The following OLFM3 variants were observed in gnomAD, a reference collection of about 807,000 sequenced individuals.
OLFM3 encodes noelin-3.
In OLFM3, 20 loss-of-function variants were observed where a neutral mutation model predicts 48.6. The observed-to-expected ratio is 0.41, with a 90% CI of 0.29 to 0.60. OLFM3 has a LOEUF of 0.60. Among genes scored for constraint, OLFM3 ranks in the 20% least tolerant of loss-of-function variants. OLFM3 has a pLI of 0.28. For synonymous variants in OLFM3, 222 were observed against 198.1 expected (o/e 1.12, Z -1.01); for missense variants, 437 against 544.3 (o/e 0.80, Z 1.96).
intron 1 of OLFM3, among the ~76,000 whole-genome samples, chr1:101,975,342 T>C (rs1660923197): frequency 6.6e-6 from 1 of 152,202 alleles, no homozygotes; most frequent in Admixed American, 6.5e-5. Flanking sequence ...TTATTATCTG[T>C]ATGCTGATGC....
At chr1:101,855,929 G>A (rs1373486056) in intron 1 of OLFM3, among the ~76,000 whole-genome samples, 1 of 150,948 alleles carries the variant, frequency 6.6e-6, no homozygotes, top group African/African-American at 2.5e-5. Flanking sequence ...AAGTTGTTAT[G>A]AGTTGTTTCA....
Position 101,933,134 on chromosome 1 carries a change from G to A in OLFM3, c.69+63614C>T, listed in dbSNP as rs572893614. 1.0e-4 allele frequency among the ~76,000 whole-genome samples: 15 copies of A among 148,804 alleles called. No homozygotes were observed. In the East Asian group the frequency reaches 1.4e-3, roughly 14 times the overall value. ...GGAGAATGGCATGAACCCGGGAGGC[G>A]GAGCTTGCAGTGAGCTGAGATCACG... On this transcript the variant is annotated intron_variant, in intron 1 of 5. Transcript: ENST00000370103.
intron 1 of OLFM3, among the ~76,000 whole-genome samples, chr1:101,969,071 C>CCT (rs1660702661): frequency 6.6e-6 from 1 of 152,162 alleles, no homozygotes; most frequent in African/African-American, 2.4e-5. Flanking sequence ...GAGTGAACAG[C>CCT]CTTTGCATGG....
rs141000831 is a variant in OLFM3, at chr1:101,962,059, C to T, written c.69+34689G>A. Among the ~76,000 whole-genome samples the T allele has an allele frequency of 6.0e-3, 920 of 152,122 alleles. 6 individuals are homozygous for T. Among genetic ancestry groups the T allele is most frequent in the Non-Finnish European group, 8.3e-3 (562 of 67,998 alleles). ...TTTTTTAAGAACAATTTCCGCTTGC[C>T]GTGTAATAGGTGTAGAGGTGTTTAG... On this transcript the variant is annotated intron_variant, in intron 1 of 5. Transcript: ENST00000370103.
intron 1 of OLFM3, among the ~76,000 whole-genome samples, chr1:101,885,532 C>T (rs1010672415): frequency 3.9e-5 from 6 of 152,046 alleles, no homozygotes; most frequent in Non-Finnish European, 5.9e-5. Flanking sequence ...CCATCTCCTT[C>T]ACCTCTTCTG....
At chr1:101,806,864 C>T (rs569384765) in intron 4 of OLFM3, among the ~76,000 whole-genome samples, 6 of 151,768 alleles carry the variant, frequency 4.0e-5, no homozygotes, top group Admixed American at 6.6e-5. Flanking sequence ...AGATGTAATA[C>T]GTGACAAAAA....
chr1:101,933,574 A>T (rs1166484983), intron 1 of OLFM3, among the ~76,000 whole-genome samples: 2 of 152,182 alleles, frequency 1.3e-5, no homozygotes, highest in African/African-American at 4.8e-5. Flanking sequence ...CCTCGACCTC[A>T]ATAGAGTAGC....
chr1:101,974,509 A>G (rs937213400), intron 1 of OLFM3, among the ~76,000 whole-genome samples: 2 of 152,124 alleles, frequency 1.3e-5, no homozygotes, highest in Non-Finnish European at 2.9e-5. Context: ...AGACATTGTA[A>G]CGGTGGCTCT....
chr1:101,836,117 T>C (rs896771567), intron 2 of OLFM3, among the ~76,000 whole-genome samples: 1 of 152,224 alleles, frequency 6.6e-6, no homozygotes, highest in Non-Finnish European at 1.5e-5. Context: ...ATTTATCTTA[T>C]TATTCCTAAT....
intron 2 of OLFM3, among the ~76,000 whole-genome samples, chr1:101,835,800 C>G (rs1404284589): frequency 6.6e-6 from 1 of 152,076 alleles, no homozygotes; most frequent in African/African-American, 2.4e-5. Flanking sequence ...GAAGGAGAAA[C>G]AGACTAAGCT....
At chr1:101,927,123 C>T (rs1181898638) in intron 1 of OLFM3, among the ~76,000 whole-genome samples, 2 of 152,006 alleles carry the variant, frequency 1.3e-5, no homozygotes, top group African/African-American at 4.8e-5. Context: ...TGACTACTTC[C>T]ATCTTTTATA....
intron 1 of OLFM3, among the ~76,000 whole-genome samples, chr1:101,923,399 A>AT (rs1418740408): frequency 1.3e-5 from 2 of 152,100 alleles, no homozygotes; most frequent in African/African-American, 4.8e-5. Context: ...TTTAACTTAC[A>AT]TTTTTGCACT....
At chr1:101,984,232 C>T (rs923059927) in intron 1 of OLFM3, among the ~76,000 whole-genome samples, 3 of 117,234 alleles carry the variant, frequency 2.6e-5, no homozygotes, top group South Asian at 5.6e-4. Context: ...AAAGGACAAA[C>T]GCAAGACTCT....
chr1:101,845,689 G>A (rs565796482), intron 1 of OLFM3, among the ~76,000 whole-genome samples: 6 of 152,282 alleles, frequency 3.9e-5, no homozygotes, highest in African/African-American at 1.4e-4. Context: ...CATGCAGGTA[G>A]GGAAGAGGAT....
intron 1 of OLFM3, among the ~76,000 whole-genome samples, chr1:101,875,793 C>T (rs1570586027): frequency 1.3e-5 from 2 of 152,122 alleles, no homozygotes; most frequent in African/African-American, 2.4e-5. Context: ...TACCTAACTT[C>T]CAGTAATCTT....
chr1:101,807,491 A>G (rs1375018655), intron 4 of OLFM3, among the ~76,000 whole-genome samples: 2 of 151,726 alleles, frequency 1.3e-5, no homozygotes, highest in East Asian at 3.9e-4. Flanking sequence ...AAGAACACAT[A>G]CCCAAAGCAA....
chr1:101,993,823 A>C (rs1035361972), intron 1 of OLFM3, among the ~76,000 whole-genome samples: 8 of 151,958 alleles, frequency 5.3e-5, no homozygotes, highest in African/African-American at 1.7e-4. Flanking sequence ...TCAGTCTATG[A>C]ACAATGAATC....
At chr1:101,827,277 T>C (rs1024880266) in intron 3 of OLFM3, among the ~76,000 whole-genome samples, 54 of 152,186 alleles carry the variant, frequency 3.5e-4, no homozygotes, top group African/African-American at 1.3e-3. Flanking sequence ...CAAAACCTAC[T>C]TAACATTCTT....
At chr1:101,959,727 AAGGCAGCATTAATCTATGT>A (rs1446129091) in intron 1 of OLFM3, among the ~76,000 whole-genome samples, 1 of 152,156 alleles carries the variant, frequency 6.6e-6, no homozygotes, top group East Asian at 1.9e-4. Flanking sequence ...AAGACCGTAT[AAGGCAGCATTAATCTATGT>A]AAGTTCCTTC....
Sources: allele counts gnomAD v4.1 joint callset (sites outside exome capture counted in the v4.1 genomes callset), GRCh38; gene constraint gnomAD v4.1.1; transcripts MANE v1.5; gene names NCBI Gene and HGNC (gene_info 2026-07-23, HGNC 2026-07-21).